The following CIC variants were observed in gnomAD, a reference collection of about 807,000 sequenced individuals.
CIC encodes the protein capicua transcriptional repressor, also known as protein capicua homolog.
A neutral mutation model predicts 115.7 loss-of-function variants in CIC; 18 were observed. The observed-to-expected ratio is 0.16, with a 90% CI of 0.11 to 0.23. The LOEUF (loss-of-function observed/expected upper bound fraction) is 0.23. Among genes scored for constraint, CIC ranks in the 10% least tolerant of loss-of-function variants. CIC has a pLI of 1.00. For synonymous variants in CIC, 1,076 were observed against 923.0 expected (o/e 1.17, Z -3.01); for missense variants, 2,000 against 2,159.3 (o/e 0.93, Z 1.46).
intron 2 of CIC, among the ~76,000 whole-genome samples, 175 bp downstream of exon 2, chr19:42,274,752 T>C (rs1055224590): frequency 1.3e-5 from 2 of 152,224 alleles, no homozygotes; most frequent in Non-Finnish European, 2.9e-5. Flanking sequence ...ATTGGACTTT[T>C]AAGGCTCAAG....
At position 42,287,686 on chromosome 19, in the gene CIC, G is replaced by A. The variant is rs746928420; in HGVS notation, c.3451G>A (p.Gly1151Arg). 4 of 1,614,066 alleles carry A rather than the reference G, an allele frequency of 2.5e-6. No individual in the cohort carries two copies. The highest frequency in any genetic ancestry group is 4.5e-5 in the East Asian group (2 of 44,888). Residue 1151 changes from glycine (G) to arginine (R), a missense_variant, in exon 6 of 21, where the codon GGG becomes AGG. Coordinates refer to ENST00000681038, the MANE Select transcript of CIC (RefSeq NM_001386298.1). This position sits in a 1 kb window ranked among gnomAD's most constrained non-coding sequence, Gnocchi z 8.7. Reference protein sequence around the residue: ...KILGEWWYALGPKEKQKYHDL... With the variant: ...KILGEWWYALRPKEKQKYHDL... ...CCTGGGCGAGTGGTGGTATGCCCTG[G>A]GGCCCAAGGAGAAGCAGAAGTACCA... is the stretch of plus-strand genomic sequence containing the variant.
At chr19:42,292,932 A>C (rs2038248578) in intron 15 of CIC, 24 bp from the exon 16 acceptor site, 1 of 1,613,798 alleles carries the variant, frequency 6.2e-7, no homozygotes, top group African/African-American at 1.3e-5. Flanking sequence ...GGCCTGGCTC[A>C]GCAAACAATT....
chr19:42,291,897 A>T, intron 12 of CIC, 152 bp downstream of exon 12: 2 of 1,285,774 alleles, frequency 1.6e-6, no homozygotes, highest in Non-Finnish European at 2.2e-6. Flanking sequence ...TGACTCTCTC[A>T]AGTCCTCAGT....
chr19:42,285,568 C>G (rs574840401), intron 2 of CIC, among the ~76,000 whole-genome samples: 5 of 152,364 alleles, frequency 3.3e-5, no homozygotes, highest in East Asian at 1.9e-4. Flanking sequence ...AGAGCTCCCC[C>G]CTGTCCAGGC....
chr19:42,292,708 A>G lies in CIC; in HGVS notation c.6045A>G (p.Ala2015=), dbSNP rs781023302. ...GCAGCCCTGCACCCACCTCCTCAGC[A>G]CCCCTGGCCCAGCCATCCCAGGCCC... ...YSGSPAPTSS[A]PLAQPSQAPP... is the part of the protein sequence containing the mutation. Residue 2015 remains alanine, a synonymous_variant, in exon 15 of 21, where the codon GCA becomes GCG. Coordinates refer to ENST00000681038, the MANE Select transcript of CIC (RefSeq NM_001386298.1). 1.2e-6 allele frequency: 2 copies of G among 1,612,904 alleles called. No individual in the cohort carries two copies. The highest frequency in any genetic ancestry group is 1.7e-5 in the Admixed American group (1 of 59,948).
At chr19:42,275,478 A>C (rs2036939581) in intron 2 of CIC, among the ~76,000 whole-genome samples, 1 of 152,004 alleles carries the variant, frequency 6.6e-6, no homozygotes, top group Admixed American at 6.6e-5. Flanking sequence ...GGCCAGAAGG[A>C]GCACAGCCTA....
In CIC at chr19:42,291,718, G is replaced by A. The variant is rs747330705; in HGVS notation, c.5586G>A (p.Val1862=). Residue 1862 remains valine (V), a synonymous_variant, in exon 12 of 21, where the codon GTG becomes GTA. Coordinates refer to ENST00000681038, the MANE Select transcript of CIC (RefSeq NM_001386298.1). ...TGAGCCCGCCCTTCTCAGTACCTGT[G>A]CAGAATGGTGCCCAGCCCCCCAGCA... ...PLVSPPFSVP[V]QNGAQPPSKI... The A allele has an allele frequency of 2.5e-6, 4 of 1,612,988 alleles. No individual in the cohort carries two copies. The highest frequency in any genetic ancestry group is 4.5e-5 in the East Asian group (2 of 44,862).
chr19:42,294,490 T>C, intron 19 of CIC, 114 bp from the exon 20 acceptor site: 2 of 1,572,510 alleles, frequency 1.3e-6, no homozygotes, highest in Non-Finnish European at 1.7e-6. Context: ...GCAGGACCCC[T>C]CTCTGACTCC....
At chr19:42,286,707 G>C in intron 2 of CIC, 64 bp from the exon 3 acceptor site, 1 of 1,609,266 alleles carries the variant, frequency 6.2e-7, no homozygotes, top group South Asian at 1.1e-5. Context: ...GGGTGGGGAA[G>C]AGCTTGAGTT....
At position 42,287,083 on chromosome 19, in the gene CIC, G is replaced by A. The variant is rs1408364216; in HGVS notation, c.3022G>A (p.Gly1008Arg). The A allele has an allele frequency of 6.2e-7, 1 of 1,613,258 alleles. No individual in the cohort carries two copies. Among genetic ancestry groups the A allele is most frequent in the East Asian group, 2.2e-5 (1 of 44,882 alleles). Residue 1008 changes from glycine (G) to arginine (R), a missense_variant, in exon 4 of 21, where the codon GGA becomes AGA. This residue lies in a region of CIC where 222 missense variants were observed against 247.7 expected (regional missense o/e 0.90). Coordinates refer to ENST00000681038, the MANE Select transcript of CIC (RefSeq NM_001386298.1). The surrounding 1 kb of genome is among the most constrained non-coding windows in gnomAD (Gnocchi z 8.7). Reference protein sequence around the residue: ...TGSADPERPPGATCPESPGPG... With the variant: ...TGSADPERPPRATCPESPGPG... ...GAGTGCTGACCCTGAGCGGCCCCCTGGAGCCACATGCCCTGAGAGCCCAGG... is the reference window on the plus strand; with the variant it reads ...GAGTGCTGACCCTGAGCGGCCCCCTAGAGCCACATGCCCTGAGAGCCCAGG...
In CIC at chr19:42,295,234, G is replaced by A; in HGVS notation, c.*43G>A. ...GCCAGGACTTATAGTACCCCCTCAG[G>A]ACATGGACAGTATGTGGGGGCAGGA... On this transcript the variant is annotated 3_prime_UTR_variant, in exon 21 of 21. Coordinates refer to ENST00000681038, the MANE Select transcript of CIC (RefSeq NM_001386298.1). The A allele has an allele frequency of 6.6e-7, 1 of 1,512,680 alleles. No individual in the cohort carries two copies. Among genetic ancestry groups the A allele is most frequent in the Non-Finnish European group, 8.9e-7 (1 of 1,127,848 alleles). The allele number at this position is 1,512,680 out of a possible 1,614,324, so 93.7% of individuals were successfully genotyped here.
intron 2 of CIC, chr19:42,279,999 G>T (rs1414059661): frequency 1.3e-5 from 2 of 152,510 alleles, no homozygotes; most frequent in African/African-American, 4.8e-5. Flanking sequence ...AGGGGGTTGG[G>T]GGGTACGTCC....
At chr19:42,271,574 T>C (rs1298554460) in intron 1 of CIC, among the ~76,000 whole-genome samples, 200 bp from the exon 2 acceptor site, 7 of 152,184 alleles carry the variant, frequency 4.6e-5, no homozygotes, top group African/African-American at 1.7e-4. Context: ...AGCCAGAGTG[T>C]GTATACTCAG....
chr19:42,275,843 C>T (rs541152952), intron 2 of CIC, among the ~76,000 whole-genome samples: 1 of 152,184 alleles, frequency 6.6e-6, no homozygotes, highest in Non-Finnish European at 1.5e-5. Context: ...TATTAATCTA[C>T]TGTTGATTCA....
At position 42,280,223 on chromosome 19, in the gene CIC, C is replaced by G. The variant is rs1397104375; in HGVS notation, c.2794+5646C>G. On this transcript the variant is annotated intron_variant, in intron 2 of 20. Transcript: ENST00000681038. The surrounding 1 kb of genome is among the most constrained non-coding windows in gnomAD (Gnocchi z 4.9). ...GCCCGGGCAGGGAACTCCCGTCCCC[C>G]TATTTCAGCGGAAAAGCTGATTGTG... 2 of 152,204 alleles carry G rather than the reference C, an allele frequency of 1.3e-5. No homozygotes were observed. The highest frequency in any genetic ancestry group is 2.4e-5 in the African/African-American group (1 of 41,440). 9.4% of individuals were successfully genotyped at this position (152,204 alleles called of 1,614,324 possible).
In CIC at chr19:42,280,562, T is replaced by C. The variant is rs1262865906; in HGVS notation, c.2794+5985T>C. On this transcript the variant is annotated intron_variant, in intron 2 of 20. Transcript: ENST00000681038. The surrounding 1 kb of genome is among the most constrained non-coding windows in gnomAD (Gnocchi z 4.9). ...GCCCCTGAGCGATTAACCCCTGCGCTGCCGCGTCCTCGGGCTGGGTGGGGT... is the reference window on the plus strand; with the variant it reads ...GCCCCTGAGCGATTAACCCCTGCGCCGCCGCGTCCTCGGGCTGGGTGGGGT... Among the ~76,000 whole-genome samples the C allele has an allele frequency of 6.6e-6, 1 of 152,078 alleles. No individual in the cohort carries two copies. The highest frequency in any genetic ancestry group is 1.5e-5 in the Non-Finnish European group (1 of 67,974).
chr19:42,289,264 G>T lies in CIC; in HGVS notation c.3945G>T (p.Glu1315Asp). The T allele has an allele frequency of 1.2e-6, 2 of 1,613,810 alleles. No individual in the cohort carries two copies. Among genetic ancestry groups the T allele is most frequent in the Non-Finnish European group, 8.5e-7 (1 of 1,180,028 alleles). Reference protein sequence around the residue: ...GAPGPFAAPGEGGALAATGRP... With the variant: ...GAPGPFAAPGDGGALAATGRP... ...CAGGACCCTTTGCAGCCCCTGGTGAGGGAGGTGCCTTGGCGGCCACTGGGC... is the reference window on the plus strand; with the variant it reads ...CAGGACCCTTTGCAGCCCCTGGTGATGGAGGTGCCTTGGCGGCCACTGGGC... Residue 1315 changes from glutamate to aspartate, a missense_variant, in exon 9 of 21, where the codon GAG (glutamate) becomes GAT (aspartate). Physicochemically the swap from Glu to Asp is conservative, Grantham distance 45. Coordinates refer to ENST00000681038, the MANE Select transcript of CIC (RefSeq NM_001386298.1).
chr19:42,273,189 G>C lies in CIC; in HGVS notation c.1406G>C (p.Arg469Pro). ...GAAAAGGGGACAGCACCGGCAGCCC[G>C]GGCCCGCACGCCACTGACAGCCGCC... ...SLEKGTAPAA[R>P]ARTPLTAAQQ... The change falls in exon 2 of 21, where the codon CGG becomes CCG. Residue 469 changes from arginine (R) to proline (P), a missense_variant. By Grantham distance (103) the Arg-to-Pro change is moderately radical. Coordinates refer to ENST00000681038, the MANE Select transcript of CIC (RefSeq NM_001386298.1). The C allele has an allele frequency of 2.5e-6, 1 of 398,724 alleles. No individual in the cohort carries two copies. Among genetic ancestry groups the C allele is most frequent in the Non-Finnish European group, 4.4e-6 (1 of 226,150 alleles). The allele number at this position is 398,724 out of a possible 1,614,324, so 24.7% of individuals were successfully genotyped here.
At position 42,290,284 on chromosome 19, in the gene CIC, T is replaced by C. The variant is rs2147249717; in HGVS notation, c.4243T>C (p.Cys1415Arg). The C allele has an allele frequency of 6.2e-7, 1 of 1,614,060 alleles. No individual in the cohort carries two copies. The highest frequency in any genetic ancestry group is 8.5e-7 in the Non-Finnish European group (1 of 1,179,976). The change falls in exon 11 of 21, where the codon TGC (cysteine) becomes CGC (arginine). Residue 1415 changes from cysteine (C) to arginine (R), a missense_variant. This residue lies in a region of CIC where 1,466 missense variants were observed against 1,390.4 expected (regional missense o/e 1.05). Coordinates refer to ENST00000681038, the MANE Select transcript of CIC (RefSeq NM_001386298.1). ...TGTGATCCGTTCCTCCTTTACCCAC[T>C]GCCGCCCCCCACTGGACCCTGAGCC... is the stretch of plus-strand genomic sequence containing the variant. ...SPVIRSSFTHCRPPLDPEPPG... is the reference protein window; with the variant it reads ...SPVIRSSFTHRRPPLDPEPPG...
Sources: allele counts gnomAD v4.1 joint callset (sites outside exome capture counted in the v4.1 genomes callset), GRCh38; gene constraint gnomAD v4.1.1; regional missense constraint gnomAD v4.1.1; non-coding constraint Gnocchi (gnomAD v3.1); transcripts MANE v1.5; gene names NCBI Gene and HGNC (gene_info 2026-07-23, HGNC 2026-07-21).